The following PCDH9 variants were observed in gnomAD, a reference collection of about 807,000 sequenced individuals.
PCDH9 encodes protocadherin 9.
PCDH9 carries 24 observed loss-of-function variants against 70.6 expected under a neutral mutation model. The ratio of observed to expected loss-of-function variants is 0.34; its 90% CI spans 0.25 to 0.48. The LOEUF (loss-of-function observed/expected upper bound fraction) is 0.48, where lower values mean the gene tolerates loss of function less well. Ranked by LOEUF, PCDH9 falls within the 20% of genes least tolerant of loss-of-function variation. The probability of loss-of-function intolerance (pLI) is 0.99; values close to 1 mark genes in which losing one functional copy is unlikely to be tolerated. For synonymous variants in PCDH9, 562 were observed against 558.5 expected (o/e 1.01, Z -0.09); for missense variants, 1,281 against 1,503.6 (o/e 0.85, Z 2.45).
intron 4 of PCDH9, among the ~76,000 whole-genome samples, chr13:66,535,137 A>C (rs939417505): frequency 6.6e-6 from 1 of 152,102 alleles, no homozygotes; most frequent in Non-Finnish European, 1.5e-5. Context: ...AAAAATGATA[A>C]TAATAATAAA....
At chr13:66,899,221 CA>C (rs745526884) in intron 3 of PCDH9, among the ~76,000 whole-genome samples, 26 of 152,074 alleles carry the variant, frequency 1.7e-4, no homozygotes, top group Non-Finnish European at 3.5e-4. Context: ...TGTTCCTTAT[CA>C]AAATGGTTTT....
intron 3 of PCDH9, among the ~76,000 whole-genome samples, chr13:66,800,766 A>T (rs2080313767): frequency 6.6e-6 from 1 of 152,258 alleles, no homozygotes; most frequent in South Asian, 2.1e-4. Context: ...TCACAATATA[A>T]GTCAAATTGT....
At chr13:67,205,565 T>A (rs1490005632) in intron 2 of PCDH9, 1 of 152,186 alleles carries the variant, frequency 6.6e-6, no homozygotes, top group African/African-American at 2.4e-5. Flanking sequence ...CACATAAATC[T>A]TTTTTATTTT....
intron 3 of PCDH9, among the ~76,000 whole-genome samples, chr13:66,736,975 A>G (rs1238750309): frequency 6.6e-6 from 1 of 152,190 alleles, no homozygotes; most frequent in African/African-American, 2.4e-5. Context: ...GCCATATAAA[A>G]TATACGTTCC....
Position 66,780,876 on chromosome 13 carries a change from A to T in PCDH9, c.3138+122628T>A, listed in dbSNP as rs867171990. ...ATATTTTTTGACTGAGCGAATTTTTAAAATTGTGTTTTTATTAACCTGCTG... is the reference window on the plus strand; with the variant it reads ...ATATTTTTTGACTGAGCGAATTTTTTAAATTGTGTTTTTATTAACCTGCTG... On this transcript the variant is annotated intron_variant, in intron 3 of 4. Coordinates refer to ENST00000377865, the MANE Select transcript of PCDH9 (RefSeq NM_203487.3). Among the ~76,000 whole-genome samples, 20 of 152,254 alleles carry T rather than the reference A, an allele frequency of 1.3e-4. 1 individual carries two copies. The South Asian group carries it at 3.9e-3, about 30-fold the overall frequency.
At chr13:66,520,104 G>C (rs1169537986) in intron 4 of PCDH9, among the ~76,000 whole-genome samples, 1 of 151,986 alleles carries the variant, frequency 6.6e-6, no homozygotes, top group African/African-American at 2.4e-5. Context: ...TCAGTGTGCT[G>C]CAGGGCTCTC....
At chr13:66,712,024 G>A (rs1009847197) in intron 3 of PCDH9, among the ~76,000 whole-genome samples, 3 of 152,078 alleles carry the variant, frequency 2.0e-5, no homozygotes, top group Admixed American at 1.3e-4. Context: ...CCTCCTTCAT[G>A]AGTTATAGAG....
chr13:66,736,254 T>C (rs1298601404), intron 3 of PCDH9, among the ~76,000 whole-genome samples: 1 of 152,176 alleles, frequency 6.6e-6, no homozygotes, highest in Non-Finnish European at 1.5e-5. Context: ...CTATTTTGGC[T>C]AAAGGACCTT....
intron 2 of PCDH9, among the ~76,000 whole-genome samples, chr13:67,151,081 A>G (rs150342508): frequency 6.6e-6 from 1 of 152,224 alleles, no homozygotes; most frequent in African/African-American, 2.4e-5. Context: ...TTAATCCAGA[A>G]AAATTCTCCA....
At chr13:66,939,424 A>ATGTGTG (rs57997772) in intron 2 of PCDH9, among the ~76,000 whole-genome samples, 2,020 of 148,094 alleles carry the variant, frequency 0.014, 19 homozygotes, top group South Asian at 0.032. Context: ...TTTAAAATAT[A>ATGTGTG]TGTGTGTGTG....
chr13:66,944,817 C>CTG (rs67182136), intron 2 of PCDH9, among the ~76,000 whole-genome samples: 6,951 of 135,188 alleles, frequency 0.051, 218 homozygotes, highest in Admixed American at 0.11. Flanking sequence ...CTAATCGTCT[C>CTG]TGTGTGTGTG....
chr13:66,375,782 C>A (rs1593878725), intron 4 of PCDH9, among the ~76,000 whole-genome samples: 1 of 151,866 alleles, frequency 6.6e-6, no homozygotes, highest in Non-Finnish European at 1.5e-5. Flanking sequence ...ATATCTGAGC[C>A]AAGAGGATAT....
chr13:66,837,888 G>C (rs1336400169), intron 3 of PCDH9, among the ~76,000 whole-genome samples: 1 of 152,074 alleles, frequency 6.6e-6, no homozygotes, highest in Non-Finnish European at 1.5e-5. Context: ...AATGAACACA[G>C]GGTTTCTTCC....
chr13:66,305,616 T>A (rs1469775686), intron 4 of PCDH9, among the ~76,000 whole-genome samples: 1 of 152,114 alleles, frequency 6.6e-6, no homozygotes, highest in East Asian at 1.9e-4. Flanking sequence ...TTTGAAAAGT[T>A]AAATACTCAT....
At chr13:67,189,242 T>C (rs2088845807) in intron 2 of PCDH9, among the ~76,000 whole-genome samples, 1 of 151,624 alleles carries the variant, frequency 6.6e-6, no homozygotes, top group African/African-American at 2.4e-5. Flanking sequence ...CTCTCACAAT[T>C]TCTTTGTCCA....
intron 4 of PCDH9, among the ~76,000 whole-genome samples, chr13:66,374,015 T>C (rs547591599): frequency 1.3e-5 from 2 of 152,202 alleles, no homozygotes; most frequent in East Asian, 1.9e-4. Context: ...ACCTCCTTGA[T>C]GGGTTTTGTG....
At chr13:66,421,259 A>G (rs7985286) in intron 4 of PCDH9, among the ~76,000 whole-genome samples, 128,107 of 152,104 alleles carry the variant, frequency 0.84, 54,865 homozygotes, top group South Asian at 0.95. Flanking sequence ...ACACACTTCA[A>G]GATATTCAGG....
chr13:66,944,592 T>A (rs1359124179), intron 2 of PCDH9, among the ~76,000 whole-genome samples: 2 of 152,252 alleles, frequency 1.3e-5, no homozygotes, highest in East Asian at 3.9e-4. Flanking sequence ...GTTTGATCCC[T>A]CCCATTCTGT....
chr13:66,596,888 T>A (rs77365717), intron 4 of PCDH9, among the ~76,000 whole-genome samples: 23,913 of 150,246 alleles, frequency 0.16, 2,066 homozygotes, highest in Middle Eastern at 0.22. Flanking sequence ...TTTTTTTTTT[T>A]TTATTCTAAA....
Sources: gnomAD v4.1 joint callset for allele counts (sites outside exome capture counted in the v4.1 genomes callset) on GRCh38, gnomAD v4.1.1 for gene constraint, MANE v1.5 for transcripts, NCBI Gene and HGNC (gene_info 2026-07-23, HGNC 2026-07-21) for gene names.